The following CCDC7 variants were observed in gnomAD, a reference collection of about 807,000 sequenced individuals.
CCDC7 encodes coiled-coil domain containing 7.
In CCDC7, 183 loss-of-function variants were observed where a neutral mutation model predicts 196.9. The observed-to-expected ratio is 0.93, with a 90% CI of 0.82 to 1.05. CCDC7 has a LOEUF of 1.05. Ranked by LOEUF, CCDC7 falls within the 50% of genes least tolerant of loss-of-function variation. The pLI, the probability that CCDC7 is intolerant of heterozygous loss-of-function variation, is 0.00. For missense variants in CCDC7, 1,540 were observed against 1,482.2 expected, an observed-to-expected ratio of 1.04 and a Z score of -0.64; for synonymous variants, 525 against 484.6, an observed-to-expected ratio of 1.08 and a Z score of -1.10.
chr10:32,829,265 G>T (rs954801217), intron 32 of CCDC7, among the ~76,000 whole-genome samples: 1 of 151,632 alleles, frequency 6.6e-6, no homozygotes, highest in South Asian at 2.1e-4. Flanking sequence ...ACTCCACCGG[G>T]AAAAAATTTC....
chr10:32,473,232 C>T (rs980757979), intron 7 of CCDC7, among the ~76,000 whole-genome samples: 2 of 151,952 alleles, frequency 1.3e-5, no homozygotes, highest in African/African-American at 4.8e-5. Context: ...ATCTGTTCAA[C>T]CTAAGGAGTT....
chr10:32,650,536 C>G (rs1168473013), intron 20 of CCDC7, among the ~76,000 whole-genome samples: 3 of 152,146 alleles, frequency 2.0e-5, no homozygotes, highest in Non-Finnish European at 2.9e-5. Flanking sequence ...ACAGGGCTCC[C>G]TTAGGGAGAG....
At chr10:32,574,243 A>G (rs12146257) in intron 16 of CCDC7, among the ~76,000 whole-genome samples, 51,680 of 150,306 alleles carry the variant, frequency 0.34, 11,296 homozygotes, top group Non-Finnish European at 0.5. Flanking sequence ...ATGAGATGAA[A>G]TAGGTTGTTT....
chr10:32,673,847 G>A (rs902749809), intron 21 of CCDC7, among the ~76,000 whole-genome samples: 2 of 151,934 alleles, frequency 1.3e-5, no homozygotes, highest in African/African-American at 4.8e-5. Flanking sequence ...TAGGTTATTG[G>A]TAGGTTCTAG....
At chr10:32,525,677 G>C (rs2048554115) in intron 11 of CCDC7, among the ~76,000 whole-genome samples, 1 of 152,206 alleles carries the variant, frequency 6.6e-6, no homozygotes, top group Admixed American at 6.5e-5. Flanking sequence ...GAGCTTGTTT[G>C]TGTCTGTCCT....
intron 2 of CCDC7, 24 bp from the exon 4 acceptor site, chr10:32,456,225 TTA>T: frequency 7.4e-6 from 11 of 1,492,876 alleles, no homozygotes; most frequent in Non-Finnish European, 1.0e-5. Context: ...AAATGTAACT[TTA>T]TGTTTTATTA....
At chr10:32,636,884 G>A (rs2065755160) in intron 20 of CCDC7, among the ~76,000 whole-genome samples, 2 of 152,148 alleles carry the variant, frequency 1.3e-5, no homozygotes, top group South Asian at 4.2e-4. Context: ...ATCCTCTCCA[G>A]CACCTGTTGT....
chr10:32,814,593 T>C, intron 31 of CCDC7, 140 bp downstream of exon 32: 3 of 582,094 alleles, frequency 5.2e-6, no homozygotes. Flanking sequence ...CCCTCTATAA[T>C]ATTTCAACTC....
At chr10:32,475,179 T>G (rs1169285622) in intron 8 of CCDC7, among the ~76,000 whole-genome samples, 1 of 152,186 alleles carries the variant, frequency 6.6e-6, no homozygotes, top group Non-Finnish European at 1.5e-5. Context: ...CTTCTAATAT[T>G]GTACCTTGGC....
At chr10:32,797,825 G>C (rs1178767437) in intron 29 of CCDC7, among the ~76,000 whole-genome samples, 1 of 152,112 alleles carries the variant, frequency 6.6e-6, no homozygotes, top group African/African-American at 2.4e-5. Flanking sequence ...TGTTGATTCA[G>C]AGCATATACA....
downstream of CCDC7, among the ~76,000 whole-genome samples, chr10:32,878,576 G>A (rs543430334): frequency 2.6e-5 from 4 of 152,178 alleles, no homozygotes; most frequent in East Asian, 7.7e-4. Flanking sequence ...CAGGGCAAAT[G>A]TGAATAGGGT....
intron 15 of CCDC7, among the ~76,000 whole-genome samples, chr10:32,571,171 G>A (rs561628672): frequency 2.6e-4 from 40 of 152,036 alleles, no homozygotes; most frequent in African/African-American, 8.9e-4. Flanking sequence ...ACCATGCCCA[G>A]CTAATTTTTG....
chr10:32,457,753 G>A (rs959792818), intron 3 of CCDC7, among the ~76,000 whole-genome samples: 8 of 151,918 alleles, frequency 5.3e-5, no homozygotes, highest in Non-Finnish European at 1.2e-4. Flanking sequence ...ATCTCATTGT[G>A]GTTTTGATTT....
At chr10:32,473,210 C>T (rs912285116) in intron 7 of CCDC7, among the ~76,000 whole-genome samples, 7 of 152,042 alleles carry the variant, frequency 4.6e-5, no homozygotes, top group Non-Finnish European at 7.4e-5. Context: ...ATTGGGTCCA[C>T]AGAAAGGAGC....
intron 9 of CCDC7, among the ~76,000 whole-genome samples, chr10:32,500,019 T>TAAC (rs993374473): frequency 4.6e-5 from 7 of 152,300 alleles, no homozygotes; most frequent in African/African-American, 1.7e-4. Context: ...ACAGACACAG[T>TAAC]AACAATCTGA....
intron 41 of CCDC7, among the ~76,000 whole-genome samples, chr10:32,875,331 C>T (rs1322581138): frequency 6.6e-6 from 1 of 152,020 alleles, no homozygotes; most frequent in African/African-American, 2.4e-5. Context: ...GGAAGGGGTC[C>T]AGTTTCAATC....
At chr10:32,661,162 G>C (rs1443882205) in intron 20 of CCDC7, among the ~76,000 whole-genome samples, 7 of 151,502 alleles carry the variant, frequency 4.6e-5, no homozygotes, top group African/African-American at 1.7e-4. Flanking sequence ...GTGGGCGAAG[G>C]ACATGAACAG....
intron 3 of CCDC7, among the ~76,000 whole-genome samples, chr10:32,457,694 T>C (rs556144094): frequency 6.6e-6 from 1 of 152,300 alleles, no homozygotes; most frequent in East Asian, 1.9e-4. Flanking sequence ...TCAGTATTTA[T>C]TATCTTTTTT....
chr10:32,726,921 T>C lies in CCDC7; in HGVS notation c.2668+89T>C, dbSNP rs574096207. The stretch of plus-strand genomic sequence containing the variant: ...GCCTTTGATTCCTGAATGTGTATTT[T>C]AGCATGTATTTTATGGAAATCGTAG... On this transcript the variant is annotated intron_variant, in intron 26 of 41. Coordinates refer to ENST00000639629, the Ensembl canonical transcript of CCDC7. 15 of 809,794 alleles carry C rather than the reference T, an allele frequency of 1.9e-5. No homozygotes were observed. In the South Asian group the frequency reaches 2.9e-4, roughly 16 times the overall value. The allele number at this position is 809,794 out of a possible 1,614,324, so 50.2% of individuals were successfully genotyped here. A position where few individuals can be genotyped will look rare whatever the true frequency, so the allele number is the denominator to read the frequency against.
Sources: allele counts gnomAD v4.1 joint callset (sites outside exome capture counted in the v4.1 genomes callset), GRCh38; gene constraint gnomAD v4.1.1; transcripts MANE v1.5; gene names NCBI Gene and HGNC (gene_info 2026-07-23, HGNC 2026-07-21).